HSPG2: variants seen among roughly 807,000 people sequenced by gnomAD.
HSPG2 encodes the protein heparan sulfate proteoglycan 2.
A neutral mutation model predicts 526.6 loss-of-function variants in HSPG2; 278 were observed. That is an observed-to-expected ratio of 0.53 (90% CI 0.48 to 0.58). The LOEUF (loss-of-function observed/expected upper bound fraction) is 0.58. Ranked by LOEUF, HSPG2 falls within the 20% of genes least tolerant of loss-of-function variation. HSPG2 has a pLI of 0.00. For synonymous variants in HSPG2, 2,465 were observed against 2,555.4 expected (o/e 0.96, Z 1.07); for missense variants, 5,354 against 6,099.5 (o/e 0.88, Z 4.07).
At chr1:21,888,130 G>C (rs35420941) in intron 6 of HSPG2, 64 bp from the exon 7 acceptor site, 1 of 1,605,370 alleles carries the variant, frequency 6.2e-7, no homozygotes, top group Admixed American at 1.7e-5. Context: ...GGAAGCTGTA[G>C]GTGCTGTGTG....
In HSPG2 at chr1:21,884,580, G is replaced by A. The variant is rs778720288; in HGVS notation, c.1602C>T (p.Arg534=). 6.2e-7 allele frequency: 1 copy of A among 1,610,854 alleles called. No homozygotes were observed. The highest frequency in any genetic ancestry group is 8.5e-7 in the Non-Finnish European group (1 of 1,179,776). The change falls in exon 13 of 97, where the codon CGC becomes CGT. Residue 534 remains arginine, a synonymous_variant. Transcript: ENST00000374695. Reference sequence around the variant, plus strand: ...GCAGCCTGATCTGGTCCCGGAAGCGGCGGGTGCTCTGGCACACGCTGGTGA... The same window carrying A: ...GCAGCCTGATCTGGTCCCGGAAGCGACGGGTGCTCTGGCACACGCTGGTGA... ...FGITSVCQST[R]RFRDQIRLRF... is the part of the protein sequence containing the mutation.
chr1:21,916,542 A>G (rs1643892085), intron 1 of HSPG2, among the ~76,000 whole-genome samples: 1 of 151,616 alleles, frequency 6.6e-6, no homozygotes, highest in Non-Finnish European at 1.5e-5. Flanking sequence ...AACACAAAAA[A>G]AATTGCCAGT....
At chr1:21,844,556 G>A (rs2152709079) in intron 64 of HSPG2, among the ~76,000 whole-genome samples, 1 of 152,342 alleles carries the variant, frequency 6.6e-6, no homozygotes, top group Admixed American at 6.5e-5. Context: ...CAGGGCTGAG[G>A]TCTAGACACT....
chr1:21,878,407 CAG>C, intron 20 of HSPG2, 24 bp downstream of exon 20: 1 of 1,593,862 alleles, frequency 6.3e-7, no homozygotes. Flanking sequence ...AGGTGGGTGT[CAG>C]GGGATGGTGG....
intron 1 of HSPG2, among the ~76,000 whole-genome samples, chr1:21,903,291 T>C (rs1053824086): frequency 2.0e-5 from 3 of 152,222 alleles, no homozygotes; most frequent in Non-Finnish European, 4.4e-5. Context: ...CAAGAATTAG[T>C]TCTCTCCGCT....
chr1:21,838,225 G>C (rs1040571850), intron 74 of HSPG2, among the ~76,000 whole-genome samples: 7 of 151,546 alleles, frequency 4.6e-5, no homozygotes, highest in Non-Finnish European at 1.0e-4. Flanking sequence ...AAATGGCCAA[G>C]CTGTGCTTTG....
rs566784226 is a variant in HSPG2, at chr1:21,854,315, T to C, written c.6317A>G (p.Gln2106Arg). 7 of 1,572,264 alleles carry C rather than the reference T, an allele frequency of 4.5e-6. No individual in the cohort carries two copies. The East Asian group carries it at 1.6e-4, about 36-fold the overall frequency. ...QVHGSRLRLP[Q>R]VSPADSGEYV... ...TTCTCCAGAATCAGCTGGTGAGACC[T>C]GGGGGAGCCGCAGACGGGAGCCGTG... Residue 2106 changes from glutamine to arginine, a missense_variant, in exon 50 of 97, where the codon CAG becomes CGG. Gln to Arg is a conservative substitution (Grantham distance 43, BLOSUM62 1). Transcript: ENST00000374695.
chr1:21,916,784 A>T (rs901914023), intron 1 of HSPG2, among the ~76,000 whole-genome samples: 1 of 152,192 alleles, frequency 6.6e-6, no homozygotes, highest in Non-Finnish European at 1.5e-5. Context: ...CAGTTACCAT[A>T]TCAGACAGTG....
chr1:21,823,014 G>A lies in HSPG2; in HGVS notation c.*302C>T. On this transcript the variant is annotated 3_prime_UTR_variant, in exon 97 of 97. Coordinates refer to ENST00000374695, the MANE Select transcript of HSPG2 (RefSeq NM_005529.7). ...CCAGCTCTATCTGGGGGCTCCATCG[G>A]TGGGTAGGGGGACAGTGGGGGCAGT... 3.5e-6 allele frequency: 1 copy of A among 288,754 alleles called. No homozygotes were observed. The highest frequency in any genetic ancestry group is 6.4e-6 in the Non-Finnish European group (1 of 156,182). The allele number at this position is 288,754 out of a possible 1,614,324, so 17.9% of individuals were successfully genotyped here.
chr1:21,886,014 A>G (rs900349903), intron 9 of HSPG2, among the ~76,000 whole-genome samples: 3 of 152,174 alleles, frequency 2.0e-5, no homozygotes, highest in African/African-American at 7.2e-5. Flanking sequence ...AGGGAGATGG[A>G]GCTTGAGAGA....
Position 21,876,591 on chromosome 1 carries a change from C to T in HSPG2, c.2747G>A (p.Arg916Gln), listed in dbSNP as rs369313904. The T allele has an allele frequency of 6.1e-5, 99 of 1,614,208 alleles. No homozygotes were observed. The highest frequency in any genetic ancestry group is 6.7e-5 in the Admixed American group (4 of 60,020). Reference protein sequence around the residue: ...CADGSFHLSTRNPDGCLKCFC... With the variant: ...CADGSFHLSTQNPDGCLKCFC... ...GCACTTGAGGCAGCCATCGGGGTTT[C>T]GGGTACTCAGGTGGAAAGAGCCGTC... The change falls in exon 22 of 97, where the codon CGA becomes CAA. Residue 916 changes from arginine to glutamine, a missense_variant. By Grantham distance (43) the Arg-to-Gln change is conservative. Transcript: ENST00000374695.
chr1:21,846,316 T>C (rs900550148), intron 63 of HSPG2, 61 bp from the exon 64 acceptor site: 14 of 1,610,806 alleles, frequency 8.7e-6, no homozygotes, highest in Non-Finnish European at 1.2e-5. Flanking sequence ...GTTGAAGGCC[T>C]GGGGCCAGGG....
intron 86 of HSPG2, 64 bp from the exon 87 acceptor site, chr1:21,829,668 C>G: frequency 7.4e-7 from 1 of 1,357,844 alleles, no homozygotes; most frequent in Non-Finnish European, 1.0e-6. Flanking sequence ...GGTCCAGCTA[C>G]TCTGCCTTCC....
At chr1:21,853,206 C>A (rs1639053625) in intron 50 of HSPG2, 136 bp from the exon 51 acceptor site, 1 of 1,172,066 alleles carries the variant, frequency 8.5e-7, no homozygotes, top group Admixed American at 2.4e-5. Flanking sequence ...AGGGCCACAC[C>A]CTTCTGCCTC....
At chr1:21,830,915 T>C (rs926875790) in intron 85 of HSPG2, 67 bp downstream of exon 85, 27 of 1,036,408 alleles carry the variant, frequency 2.6e-5, no homozygotes, top group Non-Finnish European at 3.8e-5. Flanking sequence ...TGGTGGTGGA[T>C]ATGGGGAGGC....
chr1:21,850,155 C>T lies in HSPG2; in HGVS notation c.7332G>A (p.Ser2444=), dbSNP rs149487261. 3.0e-5 allele frequency: 48 copies of T among 1,613,416 alleles called. No individual in the cohort carries two copies. The highest frequency in any genetic ancestry group is 2.8e-4 in the African/African-American group (21 of 75,076). Reference sequence around the variant, plus strand: ...TCTGCCCCTCGGCCACTTGCGAAGACGATGACTCGATCCGGACCGTGGGGG... The same window carrying T: ...TCTGCCCCTCGGCCACTTGCGAAGATGATGACTCGATCCGGACCGTGGGGG... ...GVTPTVRIES[S]SSQVAEGQTL... Residue 2444 remains serine (S), a synonymous_variant, in exon 57 of 97, where the codon TCG becomes TCA. Transcript: ENST00000374695.
chr1:21,877,094 A>G (rs1641137954), intron 21 of HSPG2, among the ~76,000 whole-genome samples: 1 of 151,916 alleles, frequency 6.6e-6, no homozygotes, highest in African/African-American at 2.4e-5. Context: ...AAAGAAAAGA[A>G]AGAGCACATG....
At chr1:21,837,128 AC>A in intron 74 of HSPG2, 122 bp from the exon 75 acceptor site, 1 of 920,258 alleles carries the variant, frequency 1.1e-6, no homozygotes, top group Non-Finnish European at 1.7e-6. Context: ...AGCCTCTCTG[AC>A]CAGGGAAAAA....
chr1:21,881,166 A>G (rs1641473578), intron 14 of HSPG2, among the ~76,000 whole-genome samples, 173 bp downstream of exon 14: 1 of 152,198 alleles, frequency 6.6e-6, no homozygotes, highest in African/African-American at 2.4e-5. Flanking sequence ...TCCCAAGCCA[A>G]CAGTGCAGGG....
Sources: allele counts gnomAD v4.1 joint callset (sites outside exome capture counted in the v4.1 genomes callset), GRCh38; gene constraint gnomAD v4.1.1; transcripts MANE v1.5; gene names NCBI Gene and HGNC (gene_info 2026-07-23, HGNC 2026-07-21).